The following LRRTM4 variants were observed in gnomAD, a reference collection of about 807,000 sequenced individuals.
LRRTM4 encodes the protein leucine-rich repeat transmembrane neuronal protein 4.
In LRRTM4, 25 loss-of-function variants were observed where a neutral mutation model predicts 47.6. That is an observed-to-expected ratio of 0.53 (90% CI 0.38 to 0.73). The LOEUF is 0.73. Ranked by LOEUF, LRRTM4 falls within the 30% of genes least tolerant of loss-of-function variation. LRRTM4 has a pLI of 0.00. For synonymous variants in LRRTM4, 311 were observed against 269.5 expected (o/e 1.15, Z -1.51); for missense variants, 638 against 713.4 (o/e 0.89, Z 1.20).
intron 3 of LRRTM4, among the ~76,000 whole-genome samples, chr2:77,060,743 A>G (rs1412539245): frequency 6.6e-6 from 1 of 152,160 alleles, no homozygotes; most frequent in Non-Finnish European, 1.5e-5. Context: ...GGTAAGTGCA[A>G]TGTATCTTAA....
intron 3 of LRRTM4, among the ~76,000 whole-genome samples, chr2:76,884,166 T>A (rs116280260): frequency 1.1e-3 from 162 of 152,264 alleles, no homozygotes; most frequent in African/African-American, 3.4e-3. Flanking sequence ...GTAACAAGCA[T>A]CATGCTAGAC....
chr2:77,402,586 A>T (rs929969497), intron 3 of LRRTM4, among the ~76,000 whole-genome samples: 2 of 151,950 alleles, frequency 1.3e-5, no homozygotes, highest in Non-Finnish European at 2.9e-5. Context: ...ATTCAGTGTT[A>T]CCTGAATGTT....
intron 3 of LRRTM4, among the ~76,000 whole-genome samples, chr2:76,999,629 CAGATTTTA>C (rs894750388): frequency 3.3e-5 from 5 of 152,088 alleles, no homozygotes; most frequent in Admixed American, 6.6e-5. Flanking sequence ...TTCTACCTTT[CAGATTTTA>C]AAAGTTGATT....
rs1189971712 is a variant in LRRTM4, at chr2:77,218,488, C to T, written c.1551+299830G>A. On this transcript the variant is annotated intron_variant, in intron 3 of 3. Transcript: ENST00000409884. Reference sequence around the variant, plus strand: ...CATCTCTCTTAATGCCATATACTTCCACTCCATGTTCTGCTTTATTTATTT... The same window carrying T: ...CATCTCTCTTAATGCCATATACTTCTACTCCATGTTCTGCTTTATTTATTT... 8.6e-5 allele frequency among the ~76,000 whole-genome samples: 13 copies of T among 150,718 alleles called. 1 individual carries two copies. In the Admixed American group the frequency reaches 8.6e-4, roughly 10 times the overall value.
intron 3 of LRRTM4, among the ~76,000 whole-genome samples, chr2:77,295,432 C>T (rs771473302): frequency 3.9e-5 from 6 of 152,080 alleles, no homozygotes; most frequent in East Asian, 3.9e-4. Context: ...TTTGTCACCA[C>T]GTTTATGCCC....
In LRRTM4 at chr2:77,407,628, ATATAT is replaced by A. The variant is rs1200248337; in HGVS notation, c.1551+110685_1551+110689del. ...AATATAATATATAATATAATATATGATATATTATTATATAATATATATTATATAAT... is the reference window on the plus strand; with the variant it reads ...AATATAATATATAATATAATATATGATATTATATAATATATATTATATAAT... On this transcript the variant is annotated intron_variant, in intron 3 of 3. Transcript: ENST00000409884. Among the ~76,000 whole-genome samples the A allele has an allele frequency of 3.5e-3, 476 of 136,362 alleles. 3 individuals are homozygous for A. Among genetic ancestry groups the A allele is most frequent in the African/African-American group, 0.013 (452 of 34,970 alleles). 89.5% of individuals were successfully genotyped at this position (136,362 alleles called of 152,430 possible). A position where few individuals can be genotyped will look rare whatever the true frequency, so the allele number is the denominator to read the frequency against.
chr2:76,984,247 TTGC>T (rs1343102853), intron 3 of LRRTM4, among the ~76,000 whole-genome samples: 2 of 152,030 alleles, frequency 1.3e-5, no homozygotes, highest in African/African-American at 2.4e-5. Flanking sequence ...TTAATAGCAA[TTGC>T]TTTTTTATAT....
chr2:77,355,142 C>T (rs1197121825), intron 3 of LRRTM4, among the ~76,000 whole-genome samples: 1 of 152,086 alleles, frequency 6.6e-6, no homozygotes, highest in Admixed American at 6.6e-5. Context: ...ATGTCATGGT[C>T]TAATGAATAA....
At chr2:77,414,282 T>C (rs1388305535) in intron 3 of LRRTM4, among the ~76,000 whole-genome samples, 1 of 152,140 alleles carries the variant, frequency 6.6e-6, no homozygotes, top group African/African-American at 2.4e-5. Flanking sequence ...AAAACAAAGA[T>C]GAGTAAGCCA....
At chr2:77,006,877 C>T (rs1249348152) in intron 3 of LRRTM4, among the ~76,000 whole-genome samples, 1 of 152,018 alleles carries the variant, frequency 6.6e-6, no homozygotes, top group African/African-American at 2.4e-5. Flanking sequence ...TGTGGAGACT[C>T]GTTAAGTCCA....
At chr2:77,501,595 C>T (rs1678572492) in intron 3 of LRRTM4, among the ~76,000 whole-genome samples, 1 of 150,122 alleles carries the variant, frequency 6.7e-6, no homozygotes, top group Admixed American at 6.7e-5. Flanking sequence ...TTGTACCATA[C>T]AATAAAGGAA....
Position 76,748,886 on chromosome 2 carries a change from A to C in LRRTM4, c.1582T>G (p.Tyr528Asp). The C allele has an allele frequency of 6.2e-7, 1 of 1,614,020 alleles. No individual in the cohort carries two copies. Among genetic ancestry groups the C allele is most frequent in the Non-Finnish European group, 8.5e-7 (1 of 1,179,882 alleles). Residue 528 changes from tyrosine to aspartate, a missense_variant, in exon 4 of 4, where the codon TAC becomes GAC. Transcript: ENST00000409884. ...MPHHMKPLPYYSYDQPVIGYC... is the reference protein window; with the variant it reads ...MPHHMKPLPYDSYDQPVIGYC... ...CCGATCACAGGCTGGTCATAGCTGT[A>C]ATATGGCAAGGGCTTCATGTGGTGT...
chr2:77,215,409 T>A (rs977201043), intron 3 of LRRTM4, among the ~76,000 whole-genome samples: 1 of 152,202 alleles, frequency 6.6e-6, no homozygotes, highest in African/African-American at 2.4e-5. Flanking sequence ...TGTGGTACAA[T>A]TGGACACTTG....
At chr2:77,434,305 G>A (rs1001824269) in intron 3 of LRRTM4, among the ~76,000 whole-genome samples, 6 of 151,874 alleles carry the variant, frequency 4.0e-5, no homozygotes, top group Non-Finnish European at 8.8e-5. Flanking sequence ...ATAGGAACCA[G>A]GAAAATAAAA....
chr2:76,916,580 A>T (rs973481286), intron 3 of LRRTM4, among the ~76,000 whole-genome samples: 4 of 152,088 alleles, frequency 2.6e-5, no homozygotes, highest in African/African-American at 9.7e-5. Flanking sequence ...AAAAATATTC[A>T]TTATTTCCTT....
intron 3 of LRRTM4, among the ~76,000 whole-genome samples, chr2:77,387,645 C>T (rs1331819345): frequency 1.3e-5 from 2 of 152,084 alleles, no homozygotes; most frequent in Admixed American, 1.3e-4. Context: ...TGTCTTCTGC[C>T]AGCTTGTATG....
At chr2:77,264,828 T>G (rs978857094) in intron 3 of LRRTM4, among the ~76,000 whole-genome samples, 3 of 152,124 alleles carry the variant, frequency 2.0e-5, no homozygotes, top group African/African-American at 7.2e-5. Flanking sequence ...AAGAATTGCC[T>G]CTATGAAATG....
At chr2:76,818,549 T>A (rs1408591618) in intron 3 of LRRTM4, among the ~76,000 whole-genome samples, 1 of 151,830 alleles carries the variant, frequency 6.6e-6, no homozygotes, top group Non-Finnish European at 1.5e-5. Context: ...CAGCCTTCTC[T>A]TTTTCAATTC....
chr2:76,796,698 A>G (rs987022994), intron 3 of LRRTM4, among the ~76,000 whole-genome samples: 1 of 133,428 alleles, frequency 7.5e-6, no homozygotes, highest in Non-Finnish European at 1.5e-5. Context: ...GATAAAAACC[A>G]CAAAGACAGG....
Sources: gnomAD v4.1 joint callset for allele counts (sites outside exome capture counted in the v4.1 genomes callset) on GRCh38, gnomAD v4.1.1 for gene constraint, MANE v1.5 for transcripts, NCBI Gene and HGNC (gene_info 2026-07-23, HGNC 2026-07-21) for gene names.